Variants in MUC6 observed in about 807,000 individuals in gnomAD.
MUC6 encodes mucin 6, oligomeric mucus/gel-forming (gene/pseudogene).
Under a neutral mutation model 201.5 loss-of-function variants are expected in MUC6, and 188 were observed. That is an observed-to-expected ratio of 0.93 (90% confidence interval 0.83 to 1.05). The LOEUF is 1.05. MUC6 is among the 50% of genes least tolerant of loss of function. The pLI, the probability that MUC6 is intolerant of heterozygous loss-of-function variation, is 0.00. For synonymous variants in MUC6, 1,228 were observed against 1,389.4 expected (o/e 0.88, Z 2.58); for missense variants, 2,706 against 3,256.9 (o/e 0.83, Z 4.12).
chr11:1,026,238 G>C, intron 20 of MUC6, 89 bp downstream of exon 20: 1 of 1,531,966 alleles, frequency 6.5e-7, no homozygotes, highest in Non-Finnish European at 8.8e-7. Flanking sequence ...GGACGCCCCC[G>C]CCTCTGGGAC....
At chr11:1,014,498 T>G (rs1383779014) in intron 31 of MUC6, among the ~76,000 whole-genome samples, 1 of 152,012 alleles carries the variant, frequency 6.6e-6, no homozygotes, top group Non-Finnish European at 1.5e-5. Flanking sequence ...TGGTCTGGGC[T>G]CCTGGAAGGG....
rs1302984014 is a variant in MUC6, at chr11:1,013,238, T to C, written c.*218A>G. 1.7e-6 allele frequency: 1 copy of C among 579,766 alleles called. No individual in the cohort carries two copies. The highest frequency in any genetic ancestry group is 3.0e-5 in the East Asian group (1 of 33,528). 35.9% of individuals were successfully genotyped at this position (579,766 alleles called of 1,614,324 possible). ...TGACCACTGTCCGCCTCAGTCCCTCTCTGCTGGCTCAGGGTCTGCAGGAGT... is the reference window on the plus strand; with the variant it reads ...TGACCACTGTCCGCCTCAGTCCCTCCCTGCTGGCTCAGGGTCTGCAGGAGT... On this transcript the variant is annotated 3_prime_UTR_variant, in exon 33 of 33. Coordinates refer to ENST00000421673, the MANE Select transcript of MUC6 (RefSeq NM_005961.3).
At position 1,013,564 on chromosome 11, in the gene MUC6, C is replaced by T; in HGVS notation, c.7212G>A (p.Gln2404=). Residue 2404 remains glutamine (Q), a synonymous_variant, in exon 33 of 33, where the codon CAG becomes CAA. Coordinates refer to ENST00000421673, the MANE Select transcript of MUC6 (RefSeq NM_005961.3). ...SCCRPLHSYE[Q]QLELPCPDPS... is the part of the protein sequence containing the mutation. The stretch of plus-strand genomic sequence containing the variant: ...GATCGGGGCAGGGCAGCTCCAGCTG[C>T]TGCTCATAGGAGTGGAGGGGGCGGC... 1.3e-6 allele frequency: 2 copies of T among 1,573,930 alleles called. No individual in the cohort carries two copies.
chr11:1,016,047 G>A lies in MUC6; in HGVS notation c.6754C>T (p.Pro2252Ser). The A allele has an allele frequency of 6.2e-7, 1 of 1,612,090 alleles. No individual in the cohort carries two copies. The highest frequency in any genetic ancestry group is 8.5e-7 in the Non-Finnish European group (1 of 1,178,662). Residue 2252 changes from proline to serine, a missense_variant, in exon 31 of 33, where the codon CCC becomes TCC. By Grantham distance (74) the Pro-to-Ser change is moderately conservative. This residue lies in a region of MUC6 where 586 missense variants were observed against 488.0 expected (regional missense o/e 1.20). Coordinates refer to ENST00000421673, the MANE Select transcript of MUC6 (RefSeq NM_005961.3). ...ASSTIAFPST[P>S]RTTASTHTAP... ...GTGTGGGTGCTGGCCGTGGTCCTGG[G>A]CGTGGACGGAAATGCAATGGTGCTG...
intron 2 of MUC6, 65 bp downstream of exon 2, chr11:1,032,948 C>T (rs1212292767): frequency 4.1e-6 from 6 of 1,465,714 alleles, no homozygotes; most frequent in Non-Finnish European, 5.5e-6. Context: ...GCTCCGGGCC[C>T]CTCTCTCCTG....
In MUC6 at chr11:1,033,250, T is replaced by C. The variant is rs1029036999; in HGVS notation, c.53-175A>G. 9 of 619,148 alleles carry C rather than the reference T, an allele frequency of 1.5e-5. No individual in the cohort carries two copies. In the African/African-American group the frequency reaches 1.6e-4, roughly 11 times the overall value. 38.4% of individuals were successfully genotyped at this position (619,148 alleles called of 1,614,324 possible). ...AGCAAGCCAAGCGCTTGGCCTCCCA[T>C]GCTGTCCTTCACGAGCCCCAGCTTC... On this transcript the variant is annotated intron_variant, in intron 1 of 32. Coordinates refer to ENST00000421673, the MANE Select transcript of MUC6 (RefSeq NM_005961.3). The surrounding 1 kb of genome is among the most constrained non-coding windows in gnomAD (Gnocchi z 5.6).
chr11:1,020,349 C>T lies in MUC6; in HGVS notation c.3641-92G>A, dbSNP rs1262195002. On this transcript the variant is annotated intron_variant, in intron 28 of 32. Coordinates refer to ENST00000421673, the MANE Select transcript of MUC6 (RefSeq NM_005961.3). ...CTGCCTGCTTGGCCCTGAAGCCGGG[C>T]AGCCCTGCAGGGGCCAATGATGTGC... 2.0e-6 allele frequency: 3 copies of T among 1,464,774 alleles called. No individual in the cohort carries two copies. The Admixed American group carries it at 6.8e-5, about 33-fold the overall frequency. 90.7% of individuals were successfully genotyped at this position (1,464,774 alleles called of 1,614,324 possible).
intron 8 of MUC6, among the ~76,000 whole-genome samples, chr11:1,029,938 C>T (rs1857061524): frequency 2.0e-5 from 3 of 152,228 alleles, no homozygotes; most frequent in Admixed American, 6.5e-5. Context: ...CCCTTGGGCC[C>T]GGCTCAAACC....
In MUC6 at chr11:1,018,269, T is replaced by C; in HGVS notation, c.4532A>G (p.Gln1511Arg). The C allele has an allele frequency of 6.2e-7, 1 of 1,614,006 alleles. No homozygotes were observed. The highest frequency in any genetic ancestry group is 8.5e-7 in the Non-Finnish European group (1 of 1,179,840). The change falls in exon 31 of 33, where the codon CAA becomes CGA. Residue 1511 changes from glutamine (Q) to arginine (R), a missense_variant. Transcript: ENST00000421673. ...GTTTGTGCTGAATGAGCTGTGGGCT[T>C]GGCTGGTCCCACTGGTGGTCGGCGT... ...PITPTTSGTS[Q>R]AHSSFSTNKT...
In MUC6 at chr11:1,029,064, C is replaced by T. The variant is rs1857036189; in HGVS notation, c.1362G>A (p.Val454=). The stretch of plus-strand genomic sequence containing the variant: ...GCCTTACCTGCCTGGAGAGGTAGAC[C>T]ACAGCCACCAGGGAGGTCTCGGAGT... The part of the protein sequence containing the change: ...VSHSETSLVA[V]VYLSRQDKIV... Residue 454 remains valine (V), a synonymous_variant, in exon 11 of 33, where the codon GTG becomes GTA. Transcript: ENST00000421673. The T allele has an allele frequency of 6.2e-7, 1 of 1,612,682 alleles. No individual in the cohort carries two copies. Among genetic ancestry groups the T allele is most frequent in the African/African-American group, 1.3e-5 (1 of 74,906 alleles).
At chr11:1,023,387 T>C in intron 26 of MUC6, 122 bp downstream of exon 26, 1 of 1,227,072 alleles carries the variant, frequency 8.1e-7, no homozygotes, top group Non-Finnish European at 1.1e-6. Context: ...AATTAATGAA[T>C]GTGTGAATTA....
intron 9 of MUC6, 30 bp from the exon 10 acceptor site, chr11:1,029,396 G>A: frequency 6.3e-7 from 1 of 1,594,344 alleles, no homozygotes; most frequent in Middle Eastern, 1.7e-4. Flanking sequence ...TAGCGGCATG[G>A]TGGGCAGGGC....
chr11:1,013,520 C>T lies in MUC6; in HGVS notation c.7256G>A (p.Arg2419Gln), dbSNP rs762493052. 1.4e-4 allele frequency: 222 copies of T among 1,582,084 alleles called. No individual in the cohort carries two copies. Among genetic ancestry groups the T allele is most frequent in the Non-Finnish European group, 1.6e-4 (192 of 1,165,676 alleles). The change falls in exon 33 of 33, where the codon CGG (arginine) becomes CAG (glutamine). Residue 2419 changes from arginine to glutamine, a missense_variant. Coordinates refer to ENST00000421673, the MANE Select transcript of MUC6 (RefSeq NM_005961.3). ...GAACACCTGCAGGGTGAGTACGAGC[C>T]GCCGGCCAGGCGTGCTGGGATCGGG... ...PCPDPSTPGR[R>Q]LVLTLQVFSH...
Position 1,027,486 on chromosome 11 carries a change from G to T in MUC6, c.2013C>A (p.Ser671Arg). Residue 671 changes from serine (S) to arginine (R), a missense_variant, in exon 17 of 33, where the codon AGC becomes AGA. Physicochemically the swap from Ser to Arg is moderately radical, Grantham distance 110. This residue lies in a region of MUC6 where 1,850 missense variants were observed against 1,958.3 expected (regional missense o/e 0.94). Transcript: ENST00000421673. ...TIPCTGNTTF[S>R]YNSQACERTC... ...TGCGCTCACAGGCTTGGCTGTTGTA[G>T]CTGAAGGTGGTGTTACCCGTGCAGG... The T allele has an allele frequency of 6.2e-7, 1 of 1,612,608 alleles. No homozygotes were observed. Among genetic ancestry groups the T allele is most frequent in the Non-Finnish European group, 8.5e-7 (1 of 1,179,816 alleles).
At position 1,027,390 on chromosome 11, in the gene MUC6, G is replaced by A. The variant is rs200217410; in HGVS notation, c.2109C>T (p.Cys703=). 1 of 1,612,922 alleles carries A rather than the reference G, an allele frequency of 6.2e-7. No individual in the cohort carries two copies. Among genetic ancestry groups the A allele is most frequent in the East Asian group, 2.2e-5 (1 of 44,872 alleles). ...TTTGGTTCAGGTAGGTGCCATCGGG[G>A]CAGTTGCAACCGTCCACGGGCACGG... The part of the protein sequence containing the change: ...HSAVPVDGCN[C]PDGTYLNQKG... The change falls in exon 17 of 33, where the codon TGC becomes TGT. Residue 703 remains cysteine, a synonymous_variant. Transcript: ENST00000421673.
At chr11:1,028,519 T>C (rs1260857184) in intron 13 of MUC6, 127 bp downstream of exon 13, 6 of 1,533,360 alleles carry the variant, frequency 3.9e-6, no homozygotes, top group Non-Finnish European at 3.5e-6. Flanking sequence ...CACGTGCCTG[T>C]TACCCCTGGG....
Position 1,029,156 on chromosome 11 carries a change from AG to A in MUC6, c.1276-7del. ...TCCTCGGGAAGCTGGGGGCTCTGCGAGGGGGCGGGGCTCAGACACGGGTGGG... is the reference window on the plus strand; with the variant it reads ...TCCTCGGGAAGCTGGGGGCTCTGCGAGGGGCGGGGCTCAGACACGGGTGGG... On this transcript the variant is annotated splice_polypyrimidine_tract_variant and splice_region_variant and intron_variant, in intron 10 of 32. Coordinates refer to ENST00000421673, the MANE Select transcript of MUC6 (RefSeq NM_005961.3). 6.2e-7 allele frequency: 1 copy of A among 1,610,020 alleles called. No individual in the cohort carries two copies. The highest frequency in any genetic ancestry group is 2.2e-5 in the East Asian group (1 of 44,748).
At chr11:1,021,580 AG>A (rs1445079974) in intron 26 of MUC6, among the ~76,000 whole-genome samples, 1 of 152,018 alleles carries the variant, frequency 6.6e-6, no homozygotes, top group Non-Finnish European at 1.5e-5. Flanking sequence ...CACGTTGGCC[AG>A]GCTGGTCTCA....
At chr11:1,035,242 C>T (rs1857192010) in intron 1 of MUC6, among the ~76,000 whole-genome samples, 1 of 152,216 alleles carries the variant, frequency 6.6e-6, no homozygotes, top group African/African-American at 2.4e-5. Flanking sequence ...CCCACTTGGC[C>T]CTCCACCCTC....
Sources: gnomAD v4.1 joint callset for allele counts (sites outside exome capture counted in the v4.1 genomes callset) on GRCh38, gnomAD v4.1.1 for gene constraint, gnomAD v4.1.1 regional missense constraint, Gnocchi (gnomAD v3.1) non-coding constraint, MANE v1.5 for transcripts, NCBI Gene and HGNC (gene_info 2026-07-23, HGNC 2026-07-21) for gene names.